The following CMYA5 variants were observed in gnomAD, a reference collection of about 807,000 sequenced individuals.
CMYA5 encodes cardiomyopathy associated 5.
CMYA5 carries 246 observed loss-of-function variants against 318.9 expected under a neutral mutation model. The ratio of observed to expected loss-of-function variants is 0.77; its 90% CI spans 0.70 to 0.86. CMYA5 has a LOEUF of 0.86. Ranked by LOEUF, CMYA5 falls within the 40% of genes least tolerant of loss-of-function variation. The pLI is 0.00. For synonymous variants in CMYA5, 1,641 were observed against 1,729.5 expected, an observed-to-expected ratio of 0.95 and a Z score of 1.27; for missense variants, 4,589 against 4,678.2, an observed-to-expected ratio of 0.98 and a Z score of 0.56.
chr5:79,770,054 C>A (rs554093212), intron 9 of CMYA5, among the ~76,000 whole-genome samples: 1 of 152,146 alleles, frequency 6.6e-6, no homozygotes, highest in Non-Finnish European at 1.5e-5. Flanking sequence ...TGCTGAGCTG[C>A]GGTGGGTTCC....
Position 79,731,528 on chromosome 5 carries a change from A to G in CMYA5, c.2763A>G (p.Arg921=), listed in dbSNP as rs1313152684. Residue 921 remains arginine (R), a synonymous_variant, in exon 2 of 13, where the codon AGA becomes AGG. Coordinates refer to ENST00000446378, the MANE Select transcript of CMYA5 (RefSeq NM_153610.5). The part of the protein sequence containing the change: ...PEAQEEEIVH[R]SLNLKGASSP... The stretch of plus-strand genomic sequence containing the variant: ...CACAGGAGGAAGAAATTGTCCATAG[A>G]TCTCTAAATCTAAAAGGTGCATCCT... 26 of 1,603,470 alleles carry G rather than the reference A, an allele frequency of 1.6e-5. No individual in the cohort carries two copies. Among genetic ancestry groups the G allele is most frequent in the Non-Finnish European group, 2.1e-5 (25 of 1,175,126 alleles).
chr5:79,731,333 C>G lies in CMYA5; in HGVS notation c.2568C>G (p.Phe856Leu). The G allele has an allele frequency of 6.2e-7, 1 of 1,613,974 alleles. No homozygotes were observed. The highest frequency in any genetic ancestry group is 8.5e-7 in the Non-Finnish European group (1 of 1,179,890). ...PDLVVASEHS[F>L]PPHTTEMTSE... is the part of the protein sequence containing the mutation. ...TGGTTGTTGCATCTGAACACTCTTTCCCACCACACACAACCGAGATGACTT... is the reference window on the plus strand; with the variant it reads ...TGGTTGTTGCATCTGAACACTCTTTGCCACCACACACAACCGAGATGACTT... The change falls in exon 2 of 13, where the codon TTC becomes TTG. Residue 856 changes from phenylalanine (F) to leucine (L), a missense_variant. Coordinates refer to ENST00000446378, the MANE Select transcript of CMYA5 (RefSeq NM_153610.5).
chr5:79,735,635 A>G lies in CMYA5; in HGVS notation c.6870A>G (p.Gly2290=). 1.2e-6 allele frequency: 2 copies of G among 1,613,094 alleles called. No individual in the cohort carries two copies. Among genetic ancestry groups the G allele is most frequent in the Non-Finnish European group, 1.7e-6 (2 of 1,179,442 alleles). Residue 2290 remains glycine (G), a synonymous_variant, in exon 2 of 13, where the codon GGA becomes GGG. Transcript: ENST00000446378. The stretch of plus-strand genomic sequence containing the variant: ...CTGAGGTGTCTAGGGAAGATTATGG[A>G]AAAAAAGAAATCTCAGGCGATTCAG... The part of the protein sequence containing the change: ...FISEVSREDY[G]KKEISGDSEE...
intron 1 of CMYA5, among the ~76,000 whole-genome samples, chr5:79,722,923 G>T (rs1314207878): frequency 2.6e-5 from 4 of 152,054 alleles, no homozygotes; most frequent in Non-Finnish European, 5.9e-5. Context: ...AAGAAATTCT[G>T]AAGTCATATA....
rs71615553 is a variant in CMYA5 at position 79,714,431 on chromosome 5, C to CTTTT, written c.150-14467_150-14464dup. On this transcript the variant is annotated intron_variant, in intron 1 of 12. Transcript: ENST00000446378. ...CACATCTGATATCTTTTTTCTTTTT[C>CTTTT]TTTTTTTTTTTTTTTTTTTTGAGAT... Among the ~76,000 whole-genome samples the CTTTT allele has an allele frequency of 3.9e-3, 388 of 100,686 alleles. 3 individuals are homozygous for CTTTT. The highest frequency in any genetic ancestry group is 0.015 in the African/African-American group (360 of 23,290). 66.1% of individuals were successfully genotyped at this position (100,686 alleles called of 152,430 possible). A position where few individuals can be genotyped will look rare whatever the true frequency, so the allele number is the denominator to read the frequency against.
intron 6 of CMYA5, among the ~76,000 whole-genome samples, chr5:79,756,224 C>T (rs773025877): frequency 6.6e-6 from 1 of 151,678 alleles, no homozygotes; most frequent in African/African-American, 2.4e-5. Context: ...GACCCGTGAT[C>T]AGTTCCTGGG....
chr5:79,752,668 C>T lies in CMYA5; in HGVS notation c.10992-8C>T. The T allele has an allele frequency of 6.3e-7, 1 of 1,594,226 alleles. No homozygotes were observed. Among genetic ancestry groups the T allele is most frequent in the African/African-American group, 1.3e-5 (1 of 74,438 alleles). On this transcript the variant is annotated splice_polypyrimidine_tract_variant and splice_region_variant and intron_variant, in intron 5 of 12. Coordinates refer to ENST00000446378, the MANE Select transcript of CMYA5 (RefSeq NM_153610.5). The stretch of plus-strand genomic sequence containing the variant: ...TTTTAACTTATGTAGAGCTCTATTC[C>T]CCGATAGGTTGCTTTCTGCAATGGA...
intron 1 of CMYA5, among the ~76,000 whole-genome samples, chr5:79,695,709 C>G (rs1441753731): frequency 6.6e-6 from 1 of 152,204 alleles, no homozygotes; most frequent in Non-Finnish European, 1.5e-5. Context: ...GGAGCTCAGT[C>G]TGGTGAGTGG....
At chr5:79,795,995 C>CG (rs1829268449) in intron 12 of CMYA5, among the ~76,000 whole-genome samples, 2 of 152,186 alleles carry the variant, frequency 1.3e-5, no homozygotes, top group Admixed American at 6.5e-5. Flanking sequence ...AATGTGTGCT[C>CG]GGCCAGAAAT....
chr5:79,797,019 T>A (rs1280439650), intron 12 of CMYA5, among the ~76,000 whole-genome samples: 3 of 152,286 alleles, frequency 2.0e-5, no homozygotes, highest in South Asian at 4.1e-4. Flanking sequence ...GCACAAAACA[T>A]AAAAAATGCA....
intron 1 of CMYA5, among the ~76,000 whole-genome samples, chr5:79,710,943 A>G (rs1827377081): frequency 6.6e-6 from 1 of 152,168 alleles, no homozygotes; most frequent in South Asian, 2.1e-4. Context: ...TGTAAGTGCT[A>G]TAGTCTTATA....
At chr5:79,743,794 A>T in intron 2 of CMYA5, 33 bp from the exon 3 acceptor site, 1 of 1,178,428 alleles carries the variant, frequency 8.5e-7, no homozygotes, top group Non-Finnish European at 1.2e-6. Flanking sequence ...CCTAAATGTC[A>T]TATACTAAGG....
rs563264025 is a variant in CMYA5, at chr5:79,770,797, A to G, written c.11555+7588A>G. On this transcript the variant is annotated intron_variant, in intron 9 of 12. Coordinates refer to ENST00000446378, the MANE Select transcript of CMYA5 (RefSeq NM_153610.5). ...TTGTTTATCTTCATGATCAACAACT[A>G]TTTATTTAGTTATGATGTGAAATTT... Among the ~76,000 whole-genome samples, 6 of 152,260 alleles carry G rather than the reference A, an allele frequency of 3.9e-5. No individual in the cohort carries two copies. The South Asian group carries it at 1.2e-3, about 32-fold the overall frequency.
chr5:79,734,185 C>T lies in CMYA5; in HGVS notation c.5420C>T (p.Thr1807Ile). Residue 1807 changes from threonine (T) to isoleucine (I), a missense_variant, in exon 2 of 13, where the codon ACA becomes ATA. Coordinates refer to ENST00000446378, the MANE Select transcript of CMYA5 (RefSeq NM_153610.5). The part of the protein sequence containing the change: ...PNSSQVLQSI[T>I]EPSKIAPSDL... The stretch of plus-strand genomic sequence containing the variant: ...TCATCCCAGGTACTCCAGAGTATAA[C>T]AGAACCATCAAAGATTGCTCCTTCT... 1 of 1,613,806 alleles carries T rather than the reference C, an allele frequency of 6.2e-7. No homozygotes were observed. The highest frequency in any genetic ancestry group is 8.5e-7 in the Non-Finnish European group (1 of 1,179,800).
rs1175038506 is a variant in CMYA5, at chr5:79,732,801, GA to G, written c.4039del (p.Ile1347LeufsTer12). On this transcript the variant is annotated frameshift_variant, in exon 2 of 13. Coordinates refer to ENST00000446378, the MANE Select transcript of CMYA5 (RefSeq NM_153610.5). LOFTEE classifies it high-confidence loss of function. The part of the protein sequence containing the change: ...FSALSEEIKK[E>X]IEPSSSTTTA... ...AGCTTTGTCAGAAGAAATTAAAAAA[GA>G]AATTGAACCCAGTTCCTCAACAACT... 2 of 1,613,626 alleles carry G rather than the reference GA, an allele frequency of 1.2e-6. No homozygotes were observed. The highest frequency in any genetic ancestry group is 4.5e-5 in the East Asian group (2 of 44,848).
At chr5:79,704,883 A>G (rs985590218) in intron 1 of CMYA5, among the ~76,000 whole-genome samples, 3 of 152,198 alleles carry the variant, frequency 2.0e-5, no homozygotes, top group Non-Finnish European at 4.4e-5. Context: ...TATTTCTTTA[A>G]AATAAAAACC....
At chr5:79,747,153 A>G in intron 5 of CMYA5, 40 bp downstream of exon 5, 1 of 1,509,748 alleles carries the variant, frequency 6.6e-7, no homozygotes, top group Non-Finnish European at 8.8e-7. Flanking sequence ...AAACAGCATG[A>G]CTGGATGCTT....
chr5:79,737,334 G>T lies in CMYA5; in HGVS notation c.8569G>T (p.Asp2857Tyr), dbSNP rs1828098604. 3.1e-6 allele frequency: 5 copies of T among 1,613,676 alleles called. No individual in the cohort carries two copies. Among genetic ancestry groups the T allele is most frequent in the Non-Finnish European group, 4.2e-6 (5 of 1,179,812 alleles). The stretch of plus-strand genomic sequence containing the variant: ...TCATACTATTCAGACATCTAAAGAT[G>T]ACACATCCGATGTGCCTAAACAATC... ...TVHTIQTSKDDTSDVPKQSVL... is the reference protein window; with the variant it reads ...TVHTIQTSKDYTSDVPKQSVL... Residue 2857 changes from aspartate (D) to tyrosine (Y), a missense_variant, in exon 2 of 13, where the codon GAC (aspartate) becomes TAC (tyrosine). This residue lies in a region of CMYA5 where 2,431 missense variants were observed against 2,495.1 expected (regional missense o/e 0.97). Coordinates refer to ENST00000446378, the MANE Select transcript of CMYA5 (RefSeq NM_153610.5).
At chr5:79,700,506 A>C (rs1487866632) in intron 1 of CMYA5, among the ~76,000 whole-genome samples, 1 of 152,234 alleles carries the variant, frequency 6.6e-6, no homozygotes, top group African/African-American at 2.4e-5. Flanking sequence ...ATTTCAACTC[A>C]ATTTTAAAAA....
Sources: gnomAD v4.1 joint callset for allele counts (sites outside exome capture counted in the v4.1 genomes callset) on GRCh38, gnomAD v4.1.1 for gene constraint, gnomAD v4.1.1 regional missense constraint, MANE v1.5 for transcripts, NCBI Gene and HGNC (gene_info 2026-07-23, HGNC 2026-07-21) for gene names.